Variants in FUT9 observed in about 807,000 individuals in gnomAD.
The protein encoded by FUT9 is 4-galactosyl-N-acetylglucosaminide 3-alpha-L-fucosyltransferase 9.
In FUT9, 15 loss-of-function variants were observed where a neutral mutation model predicts 29.7. The observed-to-expected ratio is 0.51, with a 90% CI of 0.34 to 0.78. The LOEUF (loss-of-function observed/expected upper bound fraction) is 0.78. Among genes scored for constraint, FUT9 ranks in the 30% least tolerant of loss-of-function variants. FUT9 has a pLI of 0.01. For synonymous variants in FUT9, 169 were observed against 153.7 expected (o/e 1.10, Z -0.74); for missense variants, 319 against 425.4 (o/e 0.75, Z 2.20).
chr6:96,087,209 C>T (rs1160333474), intron 1 of FUT9, among the ~76,000 whole-genome samples: 2 of 152,030 alleles, frequency 1.3e-5, no homozygotes, highest in Non-Finnish European at 1.5e-5. Flanking sequence ...TCTTTTATCT[C>T]TATTATTGGC....
intron 2 of FUT9, among the ~76,000 whole-genome samples, chr6:96,200,590 G>A (rs1457777890): frequency 6.6e-6 from 1 of 152,118 alleles, no homozygotes; most frequent in Admixed American, 6.6e-5. Flanking sequence ...TTTATAACCT[G>A]ATTATATTGA....
At chr6:96,201,467 C>T (rs1773724920) in intron 2 of FUT9, among the ~76,000 whole-genome samples, 1 of 151,890 alleles carries the variant, frequency 6.6e-6, no homozygotes, top group Admixed American at 6.6e-5. Flanking sequence ...CTTACCTTAA[C>T]ATTTTTCCTT....
intron 2 of FUT9, among the ~76,000 whole-genome samples, chr6:96,158,561 C>T (rs970338461): frequency 1.4e-4 from 21 of 151,998 alleles, no homozygotes; most frequent in African/African-American, 4.3e-4. Context: ...ACAGATTGGT[C>T]CCTAATTTCT....
intron 2 of FUT9, among the ~76,000 whole-genome samples, chr6:96,131,980 A>G (rs1772253814): frequency 6.6e-6 from 1 of 152,102 alleles, no homozygotes; most frequent in Admixed American, 6.5e-5. Context: ...TCTCATATGA[A>G]CGAGTCTCAG....
intron 1 of FUT9, among the ~76,000 whole-genome samples, chr6:96,051,699 G>T (rs1770673726): frequency 6.6e-6 from 1 of 151,646 alleles, no homozygotes; most frequent in Admixed American, 6.6e-5. Flanking sequence ...TAGTAAAATT[G>T]GTAAACTGGA....
intron 2 of FUT9, among the ~76,000 whole-genome samples, chr6:96,182,368 G>C (rs914741791): frequency 1.1e-4 from 17 of 151,912 alleles, no homozygotes; most frequent in African/African-American, 3.6e-4. Context: ...TTATTCTGTG[G>C]GTTGTCTGTT....
At chr6:96,156,085 G>A (rs1246046863) in intron 2 of FUT9, among the ~76,000 whole-genome samples, 1 of 152,156 alleles carries the variant, frequency 6.6e-6, no homozygotes, top group Non-Finnish European at 1.5e-5. Context: ...ATGTTCAAAG[G>A]ATGCTTCTGG....
chr6:96,063,794 G>T (rs1770916237), intron 1 of FUT9, among the ~76,000 whole-genome samples: 1 of 152,174 alleles, frequency 6.6e-6, no homozygotes, highest in Non-Finnish European at 1.5e-5. Flanking sequence ...GGATCCTGAA[G>T]ATGCCACCTA....
intron 1 of FUT9, among the ~76,000 whole-genome samples, chr6:96,084,122 G>C (rs964948844): frequency 6.6e-6 from 1 of 152,030 alleles, no homozygotes; most frequent in Non-Finnish European, 1.5e-5. Flanking sequence ...TAACAAGAAG[G>C]CGCTTAGGAA....
rs773432996 is a variant in FUT9 at position 96,126,655 on chromosome 6, G to A, written c.-9+12528G>A. 2.5e-4 allele frequency among the ~76,000 whole-genome samples: 38 copies of A among 152,286 alleles called. 1 individual carries two copies. Among genetic ancestry groups the A allele is most frequent in the Admixed American group, 2.6e-4 (4 of 15,292 alleles). On this transcript the variant is annotated intron_variant, in intron 2 of 2. Transcript: ENST00000302103. ...AAGGCAAAGGATTCTCTGCCTCTGCGTCAGACTAAGAGATTGAGTTGGTCT... is the reference window on the plus strand; with the variant it reads ...AAGGCAAAGGATTCTCTGCCTCTGCATCAGACTAAGAGATTGAGTTGGTCT...
At chr6:96,113,510 A>G (rs1771849436) in intron 1 of FUT9, among the ~76,000 whole-genome samples, 1 of 146,790 alleles carries the variant, frequency 6.8e-6, no homozygotes, top group African/African-American at 2.5e-5. Context: ...AAGTGCTGGG[A>G]GTACAGGCAT....
chr6:96,082,640 G>A (rs913584168), intron 1 of FUT9, among the ~76,000 whole-genome samples: 9 of 151,908 alleles, frequency 5.9e-5, no homozygotes, highest in Admixed American at 5.2e-4. Context: ...GGCTAGTGTT[G>A]TCCCTTTATT....
chr6:96,114,987 A>T (rs1771883426), intron 2 of FUT9, among the ~76,000 whole-genome samples: 2 of 152,054 alleles, frequency 1.3e-5, no homozygotes, highest in Admixed American at 1.3e-4. Flanking sequence ...CTCAAGCCTT[A>T]CTCTCTATTC....
At chr6:96,078,924 G>T (rs1231773699) in intron 1 of FUT9, among the ~76,000 whole-genome samples, 5 of 151,932 alleles carry the variant, frequency 3.3e-5, no homozygotes, top group African/African-American at 2.4e-5. Flanking sequence ...TGCCCCTGCC[G>T]CCAACCATTC....
intron 2 of FUT9, among the ~76,000 whole-genome samples, chr6:96,146,665 T>C (rs72933947): frequency 2.0e-3 from 311 of 152,348 alleles, no homozygotes; most frequent in Non-Finnish European, 3.7e-3. Flanking sequence ...AAGGGATATC[T>C]CCAAATTTCT....
chr6:96,189,789 C>T (rs1349582065), intron 2 of FUT9, among the ~76,000 whole-genome samples: 2 of 152,012 alleles, frequency 1.3e-5, no homozygotes, highest in Admixed American at 6.6e-5. Context: ...TTATTTTGAG[C>T]CTATGTGTGT....
At chr6:96,043,551 G>A (rs1272316152) in intron 1 of FUT9, among the ~76,000 whole-genome samples, 1 of 152,168 alleles carries the variant, frequency 6.6e-6, no homozygotes, top group Admixed American at 6.5e-5. Flanking sequence ...CCCCAAATCT[G>A]AGAACTGTTG....
At chr6:96,096,246 T>C (rs1287745268) in intron 1 of FUT9, among the ~76,000 whole-genome samples, 1 of 152,106 alleles carries the variant, frequency 6.6e-6, no homozygotes, top group Non-Finnish European at 1.5e-5. Context: ...CATCAATCCA[T>C]CTGTCAAATC....
At chr6:96,188,869 G>A (rs951318096) in intron 2 of FUT9, among the ~76,000 whole-genome samples, 8 of 151,918 alleles carry the variant, frequency 5.3e-5, no homozygotes, top group Non-Finnish European at 1.2e-4. Flanking sequence ...TACGTTGAGA[G>A]CAAGAATATG....
Sources: allele counts gnomAD v4.1 joint callset (sites outside exome capture counted in the v4.1 genomes callset), GRCh38; gene constraint gnomAD v4.1.1; transcripts MANE v1.5; gene names NCBI Gene and HGNC (gene_info 2026-07-23, HGNC 2026-07-21).